Variants in PCDHGA5 observed in about 807,000 individuals in gnomAD.
PCDHGA5 encodes protocadherin gamma subfamily A, 5, also known as protocadherin gamma-A5.
Under a neutral mutation model 56.7 loss-of-function variants are expected in PCDHGA5, and 36 were observed. The observed-to-expected ratio is 0.64, with a 90% CI of 0.49 to 0.84. The LOEUF (loss-of-function observed/expected upper bound fraction) is 0.84, where lower values mean the gene tolerates loss of function less well. PCDHGA5 is among the 40% of genes least tolerant of loss of function. The pLI is 0.00. For synonymous variants in PCDHGA5, 563 were observed against 520.2 expected, an observed-to-expected ratio of 1.08 and a Z score of -1.12; for missense variants, 1,305 against 1,201.5, an observed-to-expected ratio of 1.09 and a Z score of -1.27.
intron 1 of PCDHGA5, chr5:141,478,153 T>G (rs1477175391): frequency 3.1e-6 from 5 of 1,613,934 alleles, no homozygotes; most frequent in Middle Eastern, 1.6e-4. Flanking sequence ...AGTTCCCCTC[T>G]GGCTCTGCCC....
In PCDHGA5 at chr5:141,389,747, G is replaced by C. The variant is rs766506538; in HGVS notation, c.2421+22996G>C. 6 of 1,612,724 alleles carry C rather than the reference G, an allele frequency of 3.7e-6. No individual in the cohort carries two copies. The South Asian group carries it at 4.4e-5, about 12-fold the overall frequency. ...GGCTCTTCAGCCTGGGGCTGCGCAC[G>C]GGCGAAGTGCGCACAGCGCGTGCCT... is the stretch of plus-strand genomic sequence containing the variant. On this transcript the variant is annotated intron_variant, in intron 1 of 3. Coordinates refer to ENST00000518069, the MANE Select transcript of PCDHGA5 (RefSeq NM_018918.3).
chr5:141,497,211 G>T (rs914346878), intron 2 of PCDHGA5, among the ~76,000 whole-genome samples: 12 of 28,538 alleles, frequency 4.2e-4, no homozygotes, highest in African/African-American at 1.1e-3. Context: ...GAGTGTAATG[G>T]GGGGGGGAAG....
chr5:141,499,150 T>C (rs1424635509), intron 2 of PCDHGA5, among the ~76,000 whole-genome samples: 5 of 152,180 alleles, frequency 3.3e-5, no homozygotes, highest in Non-Finnish European at 1.5e-5. Context: ...CTGATCCCAA[T>C]AGCTGTTGTC....
At chr5:141,400,638 T>A in intron 1 of PCDHGA5, 1 of 1,325,472 alleles carries the variant, frequency 7.5e-7, no homozygotes, top group Non-Finnish European at 1.1e-6. Flanking sequence ...TCAGAGCTGC[T>A]CAGAAAGCTG....
Position 141,366,362 on chromosome 5 carries a change from A to G in PCDHGA5, c.2032A>G (p.Ile678Val), listed in dbSNP as rs768343198. 6.2e-7 allele frequency: 1 copy of G among 1,613,968 alleles called. No individual in the cohort carries two copies. Among genetic ancestry groups the G allele is most frequent in the Non-Finnish European group, 8.5e-7 (1 of 1,179,996 alleles). ...TGACATCCTGGCTGACCTAGGCAGTATCAAGACCCCCATTGACCCTGAGGA... is the reference window on the plus strand; with the variant it reads ...TGACATCCTGGCTGACCTAGGCAGTGTCAAGACCCCCATTGACCCTGAGGA... Reference protein sequence around the residue: ...IPDILADLGSIKTPIDPEDLD... With the variant: ...IPDILADLGSVKTPIDPEDLD... The change falls in exon 1 of 4, where the codon ATC (isoleucine) becomes GTC (valine). Residue 678 changes from isoleucine to valine, a missense_variant. Transcript: ENST00000518069.
chr5:141,390,556 CAGTTGTTGG>C, intron 1 of PCDHGA5: 2 of 454,162 alleles, frequency 4.4e-6, no homozygotes, highest in Admixed American at 3.9e-5. Flanking sequence ...AAGTGTTAGA[CAGTTGTTGG>C]CTCTCTCCTA....
At position 141,490,502 on chromosome 5, in the gene PCDHGA5, T is replaced by C. The variant is rs1408615048; in HGVS notation, c.2422-4305T>C. On this transcript the variant is annotated intron_variant, in intron 1 of 3. Transcript: ENST00000518069. The surrounding 1 kb of genome is among the most constrained non-coding windows in gnomAD (Gnocchi z 5.4). Reference sequence around the variant, plus strand: ...GACCGGGAGGCCACATCCCACTATATCATCGAGCTGCTGGCCAGCGATGCT... The same window carrying C: ...GACCGGGAGGCCACATCCCACTATACCATCGAGCTGCTGGCCAGCGATGCT... 1.2e-6 allele frequency: 2 copies of C among 1,614,094 alleles called. No individual in the cohort carries two copies. The highest frequency in any genetic ancestry group is 1.1e-5 in the South Asian group (1 of 91,076).
rs1243958567 is a variant in PCDHGA5, at chr5:141,418,557, T to C, written c.2421+51806T>C. 4.3e-6 allele frequency: 7 copies of C among 1,613,860 alleles called. No homozygotes were observed. The East Asian group carries it at 1.6e-4, about 36-fold the overall frequency. On this transcript the variant is annotated intron_variant, in intron 1 of 3. Coordinates refer to ENST00000518069, the MANE Select transcript of PCDHGA5 (RefSeq NM_018918.3). ...ACTGCTCAGATAAGAATCCTGGTAA[T>C]AGATGCCAATGACAACCCCCCAGTG... is the stretch of plus-strand genomic sequence containing the variant.
intron 1 of PCDHGA5, chr5:141,413,395 G>C: frequency 6.2e-7 from 1 of 1,614,050 alleles, no homozygotes; most frequent in Non-Finnish European, 8.5e-7. Context: ...AGTCTCCAGA[G>C]GTAGGACGCA....
intron 1 of PCDHGA5, among the ~76,000 whole-genome samples, chr5:141,452,082 T>A (rs924362905): frequency 3.3e-5 from 5 of 152,240 alleles, no homozygotes; most frequent in Non-Finnish European, 7.3e-5. Context: ...GTTGGCATTA[T>A]ACAGTAAGAA....
In PCDHGA5 at chr5:141,511,074, C is replaced by G; in HGVS notation, c.2697C>G (p.Ser899Arg). 1.2e-6 allele frequency: 2 copies of G among 1,614,238 alleles called. No homozygotes were observed. The highest frequency in any genetic ancestry group is 1.7e-6 in the Non-Finnish European group (2 of 1,180,040). ...GCCAGAATGTCTACATCCCAGGCAGCAATGCCACACTGACCAACGCAGCTG... is the reference window on the plus strand; with the variant it reads ...GCCAGAATGTCTACATCCCAGGCAGGAATGCCACACTGACCAACGCAGCTG... The part of the protein sequence containing the change: ...DYRQNVYIPG[S>R]NATLTNAAGK... Residue 899 changes from serine (S) to arginine (R), a missense_variant, in exon 4 of 4, where the codon AGC becomes AGG. Coordinates refer to ENST00000518069, the MANE Select transcript of PCDHGA5 (RefSeq NM_018918.3).
chr5:141,510,426 T>C (rs983368750), intron 3 of PCDHGA5, among the ~76,000 whole-genome samples: 1 of 152,084 alleles, frequency 6.6e-6, no homozygotes, highest in African/African-American at 2.4e-5. Flanking sequence ...CATGGTTTCA[T>C]GGCTGCTGCC....
chr5:141,460,467 AG>A (rs1303418429), intron 1 of PCDHGA5, among the ~76,000 whole-genome samples: 1 of 152,114 alleles, frequency 6.6e-6, no homozygotes, highest in African/African-American at 2.4e-5. Flanking sequence ...TTTTTTCCAA[AG>A]GAATATCCAA....
chr5:141,494,661 G>A, intron 1 of PCDHGA5, 146 bp from the exon 2 acceptor site: 2 of 1,492,976 alleles, frequency 1.3e-6, no homozygotes, highest in Non-Finnish European at 1.8e-6. Context: ...TTTGTCTTTG[G>A]AGATGAGTCC....
In PCDHGA5 at chr5:141,485,027, G is replaced by A. The variant is rs1594439784; in HGVS notation, c.2422-9780G>A. ...AATCTACCCCGCCACCAGCAAAAAC[G>A]GCGCGTAACCCTTGCGGCGCCGGCC... is the stretch of plus-strand genomic sequence containing the variant. On this transcript the variant is annotated intron_variant, in intron 1 of 3. Coordinates refer to ENST00000518069, the MANE Select transcript of PCDHGA5 (RefSeq NM_018918.3). The surrounding 1 kb of genome is among the most constrained non-coding windows in gnomAD (Gnocchi z 5.7). 1.5e-6 allele frequency: 1 copy of A among 662,546 alleles called. No individual in the cohort carries two copies. Among genetic ancestry groups the A allele is most frequent in the South Asian group, 1.9e-5 (1 of 53,596 alleles). The allele number at this position is 662,546 out of a possible 1,614,324, so 41.0% of individuals were successfully genotyped here.
chr5:141,505,118 C>T (rs544825360), intron 2 of PCDHGA5, among the ~76,000 whole-genome samples: 32 of 152,222 alleles, frequency 2.1e-4, no homozygotes, highest in African/African-American at 7.5e-4. Flanking sequence ...GCCAAGATCG[C>T]GCCACTGCAC....
Position 141,510,362 on chromosome 5 carries a change from C to T in PCDHGA5, c.2570-585C>T, listed in dbSNP as rs74321279. Among the ~76,000 whole-genome samples the T allele has an allele frequency of 2.0e-4, 29 of 142,136 alleles. No homozygotes were observed. In the East Asian group the frequency reaches 5.7e-3, roughly 28 times the overall value. The allele number at this position is 142,136 out of a possible 152,430, so 93.2% of individuals were successfully genotyped here. A position where few individuals can be genotyped will look rare whatever the true frequency, so the allele number is the denominator to read the frequency against. On this transcript the variant is annotated intron_variant, in intron 3 of 3. Coordinates refer to ENST00000518069, the MANE Select transcript of PCDHGA5 (RefSeq NM_018918.3). ...CCCACACACTTACTAACGGAACTAC[C>T]GAATCTCTACTCGTGCCAGGCCTTG... is the stretch of plus-strand genomic sequence containing the variant.
At chr5:141,478,526 G>A (rs1402123535) in intron 1 of PCDHGA5, 1 of 1,609,906 alleles carries the variant, frequency 6.2e-7, no homozygotes, top group Admixed American at 1.7e-5. Context: ...GTTGGGTGCA[G>A]AGAGCGCCCC....
At position 141,365,046 on chromosome 5, in the gene PCDHGA5, C is replaced by T. The variant is rs753242901; in HGVS notation, c.716C>T (p.Ala239Val). The T allele has an allele frequency of 6.2e-7, 1 of 1,613,884 alleles. No individual in the cohort carries two copies. Among genetic ancestry groups the T allele is most frequent in the South Asian group, 1.1e-5 (1 of 91,086 alleles). Residue 239 changes from alanine (A) to valine (V), a missense_variant, in exon 1 of 4, where the codon GCG becomes GTG. By Grantham distance (64) the Ala-to-Val change is moderately conservative (BLOSUM62 0). Transcript: ENST00000518069. ...RVTVLDANDN[A>V]PLFTPSEYSV... ...ACGGTCCTCGACGCAAACGACAATG[C>T]GCCCCTGTTCACCCCATCCGAGTAC...
Sources: allele counts gnomAD v4.1 joint callset (sites outside exome capture counted in the v4.1 genomes callset), GRCh38; gene constraint gnomAD v4.1.1; non-coding constraint Gnocchi (gnomAD v3.1); transcripts MANE v1.5; gene names NCBI Gene and HGNC (gene_info 2026-07-23, HGNC 2026-07-21).